Variants in CPNE4 observed in about 807,000 individuals in gnomAD.
The protein encoded by CPNE4 is copine-4.
A neutral mutation model predicts 67.9 loss-of-function variants in CPNE4; 25 were observed. That is an observed-to-expected ratio of 0.37 (90% CI 0.27 to 0.51). The LOEUF (loss-of-function observed/expected upper bound fraction) is 0.51. Among genes scored for constraint, CPNE4 ranks in the 20% least tolerant of loss-of-function variants. The pLI, the probability that CPNE4 is intolerant of heterozygous loss-of-function variation, is 0.93. For synonymous variants in CPNE4, 242 were observed against 244.9 expected (o/e 0.99, Z 0.11); for missense variants, 464 against 690.8 (o/e 0.67, Z 3.68).
intron 1 of CPNE4, among the ~76,000 whole-genome samples, chr3:131,950,762 G>C (rs377487052): frequency 2.6e-5 from 4 of 152,106 alleles, no homozygotes; most frequent in Non-Finnish European, 5.9e-5. Flanking sequence ...TATTCAAAAC[G>C]TGTGTACCTA....
chr3:131,989,424 A>AGCACCAT (rs2073126893), intron 1 of CPNE4, among the ~76,000 whole-genome samples: 2 of 85,678 alleles, frequency 2.3e-5, no homozygotes, highest in Admixed American at 1.8e-4. Flanking sequence ...GTGAGTAAAC[A>AGCACCAT]GAGGCTTTAA....
intron 7 of CPNE4, among the ~76,000 whole-genome samples, chr3:131,648,520 T>G (rs888131542): frequency 3.3e-5 from 5 of 152,366 alleles, no homozygotes; most frequent in African/African-American, 1.2e-4. Context: ...ACAGTAGGTC[T>G]TGAAAGAAGA....
At chr3:131,620,018 G>C (rs990533389) in intron 7 of CPNE4, among the ~76,000 whole-genome samples, 1 of 152,094 alleles carries the variant, frequency 6.6e-6, no homozygotes, top group Non-Finnish European at 1.5e-5. Flanking sequence ...CCCCTGCCTA[G>C]CAACAAAATC....
intron 2 of CPNE4, among the ~76,000 whole-genome samples, chr3:131,768,924 G>A (rs1340178201): frequency 6.6e-6 from 1 of 152,094 alleles, no homozygotes; most frequent in Non-Finnish European, 1.5e-5. Context: ...GCTAGAAAAA[G>A]ATGTTTTAAA....
chr3:131,827,412 A>C (rs2085206086), intron 2 of CPNE4, among the ~76,000 whole-genome samples: 1 of 151,408 alleles, frequency 6.6e-6, no homozygotes, highest in Non-Finnish European at 1.5e-5. Context: ...AGCCAGTCTC[A>C]TGGACTCACC....
At chr3:132,020,744 T>C (rs909035942) in intron 1 of CPNE4, among the ~76,000 whole-genome samples, 1 of 152,206 alleles carries the variant, frequency 6.6e-6, no homozygotes, top group Non-Finnish European at 1.5e-5. Flanking sequence ...TTTTCACCTA[T>C]GATTTTGGTA....
At chr3:131,801,884 C>CA (rs766283450) in intron 2 of CPNE4, among the ~76,000 whole-genome samples, 507 of 44,454 alleles carry the variant, frequency 0.011, 14 homozygotes, top group African/African-American at 0.034. Flanking sequence ...AGCCAAATGC[C>CA]AAAAAAAAAA....
chr3:131,744,466 T>C (rs1444872864), intron 2 of CPNE4, among the ~76,000 whole-genome samples: 7 of 152,216 alleles, frequency 4.6e-5, no homozygotes, highest in African/African-American at 1.4e-4. Context: ...TTTTCCCCGA[T>C]GGTAACATCC....
chr3:131,628,732 T>G (rs1174315075), intron 7 of CPNE4, among the ~76,000 whole-genome samples: 1 of 151,074 alleles, frequency 6.6e-6, no homozygotes, highest in Non-Finnish European at 1.5e-5. Context: ...TTCTGTGGGA[T>G]CAGTGGTGAT....
intron 11 of CPNE4, among the ~76,000 whole-genome samples, chr3:131,559,072 T>C (rs572381677): frequency 3.9e-5 from 6 of 152,154 alleles, no homozygotes; most frequent in African/African-American, 7.2e-5. Flanking sequence ...ACAAGAAGAA[T>C]AATTCTAAAC....
chr3:131,591,501 G>GTCT (rs1200757363), intron 7 of CPNE4, among the ~76,000 whole-genome samples: 1 of 152,116 alleles, frequency 6.6e-6, no homozygotes, highest in Non-Finnish European at 1.5e-5. Context: ...CCAACCTCAA[G>GTCT]TCTTTAAGAT....
intron 6 of CPNE4, among the ~76,000 whole-genome samples, chr3:131,682,766 T>C (rs2080789651): frequency 6.6e-6 from 1 of 152,084 alleles, no homozygotes; most frequent in South Asian, 2.1e-4. Flanking sequence ...AAATGCCATC[T>C]GGGAGCCAGA....
intron 3 of CPNE4, among the ~76,000 whole-genome samples, chr3:131,717,809 G>C (rs1345524172): frequency 2.0e-5 from 3 of 151,682 alleles, no homozygotes; most frequent in Non-Finnish European, 4.4e-5. Context: ...ACCGTTTATG[G>C]GGAATGCCAA....
upstream of CPNE4, among the ~76,000 whole-genome samples, chr3:132,038,417 T>C (rs1408803264): frequency 6.6e-6 from 1 of 152,218 alleles, no homozygotes; most frequent in Non-Finnish European, 1.5e-5. Flanking sequence ...GGGCAGTTTA[T>C]ACTTCTGTCT....
At chr3:131,576,483 T>G (rs1937550385) in intron 9 of CPNE4, among the ~76,000 whole-genome samples, 1 of 152,170 alleles carries the variant, frequency 6.6e-6, no homozygotes, top group African/African-American at 2.4e-5. Context: ...TCCTGCTTCT[T>G]TGAGCACAAG....
intron 10 of CPNE4, among the ~76,000 whole-genome samples, chr3:131,565,454 G>T (rs536077090): frequency 2.6e-5 from 4 of 152,032 alleles, no homozygotes; most frequent in South Asian, 4.1e-4. Context: ...ATGCACCATT[G>T]GTTCTAGGAA....
At chr3:131,673,073 CA>C (rs2080465197) in intron 6 of CPNE4, among the ~76,000 whole-genome samples, 1 of 152,028 alleles carries the variant, frequency 6.6e-6, no homozygotes, top group Non-Finnish European at 1.5e-5. Flanking sequence ...CCAGTTTTCC[CA>C]GCACCATTTA....
chr3:131,918,545 G>T (rs2070643093), intron 1 of CPNE4, among the ~76,000 whole-genome samples: 1 of 152,086 alleles, frequency 6.6e-6, no homozygotes, highest in South Asian at 2.1e-4. Context: ...AGACTCAGAA[G>T]CTGACAATCA....
chr3:131,716,174 T>C lies in CPNE4; in HGVS notation c.360+7272A>G, dbSNP rs145493392. Among the ~76,000 whole-genome samples, 788 of 152,262 alleles carry C rather than the reference T, an allele frequency of 5.2e-3. 3 individuals are homozygous for C. Among genetic ancestry groups the C allele is most frequent in the Non-Finnish European group, 7.7e-3 (523 of 68,002 alleles). On this transcript the variant is annotated intron_variant, in intron 3 of 15. Transcript: ENST00000429747. ...TTCCTTTCCTAAAGGCCAGGAGTCC[T>C]GCTGTTTCACAAGGCTGAGTGAGAA...
Sources: allele counts gnomAD v4.1 joint callset (sites outside exome capture counted in the v4.1 genomes callset), GRCh38; gene constraint gnomAD v4.1.1; transcripts MANE v1.5; gene names NCBI Gene and HGNC (gene_info 2026-07-23, HGNC 2026-07-21).